KCNAB1: variants seen among roughly 807,000 people sequenced by gnomAD.
The protein encoded by KCNAB1 is potassium voltage-gated channel subfamily A regulatory beta subunit 1.
Under a neutral mutation model 64.6 loss-of-function variants are expected in KCNAB1, and 35 were observed. The ratio of observed to expected loss-of-function variants is 0.54; its 90% CI spans 0.41 to 0.72. The LOEUF (loss-of-function observed/expected upper bound fraction) is 0.72, where lower values mean the gene tolerates loss of function less well. Ranked by LOEUF, KCNAB1 falls within the 30% of genes least tolerant of loss-of-function variation. The probability of loss-of-function intolerance (pLI) is 0.00; values close to 1 mark genes in which losing one functional copy is unlikely to be tolerated. For missense variants in KCNAB1, 401 were observed against 512.9 expected (o/e 0.78, Z 2.11); for synonymous variants, 177 against 183.8 (o/e 0.96, Z 0.30).
intron 11 of KCNAB1, chr3:156,523,618 T>C (rs1718100647): frequency 1.9e-6 from 1 of 519,606 alleles, no homozygotes; most frequent in African/African-American, 1.9e-5. Context: ...TGGTGAATAT[T>C]AGTCAAAATC....
intron 1 of KCNAB1, among the ~76,000 whole-genome samples, chr3:156,399,242 TA>T (rs1713711974): frequency 6.6e-6 from 1 of 152,222 alleles, no homozygotes; most frequent in African/African-American, 2.4e-5. Flanking sequence ...TCAGTCGTGT[TA>T]GGTGTGCTGT....
intron 8 of KCNAB1, among the ~76,000 whole-genome samples, chr3:156,513,737 A>G (rs1717373976): frequency 1.3e-5 from 2 of 152,206 alleles, no homozygotes; most frequent in South Asian, 4.1e-4. Context: ...GAAATCAATT[A>G]TGTGGGTGTC....
intron 1 of KCNAB1, among the ~76,000 whole-genome samples, chr3:156,396,092 T>A (rs1206720451): frequency 6.6e-6 from 1 of 152,228 alleles, no homozygotes; most frequent in Admixed American, 6.5e-5. Context: ...TCTGGCTGTG[T>A]AAACCTTGTT....
chr3:156,143,566 CTTGTTTT>C (rs748333395), intron 1 of KCNAB1: 9 of 159,554 alleles, frequency 5.6e-5, no homozygotes, highest in East Asian at 7.2e-5. Context: ...GGGTTGCATT[CTTGTTTT>C]TTTTTTTTTT....
At chr3:156,337,515 C>T (rs1242130391) in intron 1 of KCNAB1, among the ~76,000 whole-genome samples, 1 of 152,184 alleles carries the variant, frequency 6.6e-6, no homozygotes, top group East Asian at 1.9e-4. Flanking sequence ...CTAGAGGCAC[C>T]AAGTGGGCAC....
chr3:156,293,297 A>G (rs1272544237), intron 1 of KCNAB1, among the ~76,000 whole-genome samples: 1 of 152,220 alleles, frequency 6.6e-6, no homozygotes, highest in Non-Finnish European at 1.5e-5. Flanking sequence ...ACATCTTCCA[A>G]AAAACTTTGG....
chr3:156,392,751 AT>A (rs1417252007), intron 1 of KCNAB1, among the ~76,000 whole-genome samples: 3 of 152,280 alleles, frequency 2.0e-5, no homozygotes, highest in East Asian at 1.9e-4. Context: ...ATCAAAGGAC[AT>A]TTTTTCCCCT....
intron 1 of KCNAB1, among the ~76,000 whole-genome samples, chr3:156,328,852 T>C (rs547624627): frequency 1.3e-5 from 2 of 152,336 alleles, no homozygotes; most frequent in South Asian, 4.1e-4. Flanking sequence ...GCCACTTGGC[T>C]CCACAGTCTA....
chr3:156,400,684 T>G (rs1713826116), intron 1 of KCNAB1, among the ~76,000 whole-genome samples: 1 of 152,232 alleles, frequency 6.6e-6, no homozygotes, highest in Non-Finnish European at 1.5e-5. Flanking sequence ...CTGCAATGTA[T>G]ATACAATGCA....
In KCNAB1 at chr3:156,415,176, G is replaced by A. The variant is rs1357007303; in HGVS notation, c.276-6440G>A. Among the ~76,000 whole-genome samples, 3 of 152,266 alleles carry A rather than the reference G, an allele frequency of 2.0e-5. No homozygotes were observed. In the East Asian group the frequency reaches 5.8e-4, roughly 29 times the overall value. On this transcript the variant is annotated intron_variant, in intron 1 of 13. Coordinates refer to ENST00000490337, the MANE Select transcript of KCNAB1 (RefSeq NM_172160.3). ...GAAGTGGGTCTTGAAAGTCACAGAG[G>A]CAGCCTTCTACCAGATTTTGTACCC...
chr3:156,483,010 AAG>A (rs1714941067), intron 8 of KCNAB1, among the ~76,000 whole-genome samples: 1 of 152,140 alleles, frequency 6.6e-6, no homozygotes, highest in Non-Finnish European at 1.5e-5. Flanking sequence ...TATGAGAAGA[AAG>A]AGGGGAAGAG....
At position 156,425,346 on chromosome 3, in the gene KCNAB1, G is replaced by C. The variant is rs74889963; in HGVS notation, c.319+3687G>C. The stretch of plus-strand genomic sequence containing the variant: ...GACAATTTTCCTTTTGGTGAACTAA[G>C]AGCAAATGTGTAAATGGGAGTAGAA... On this transcript the variant is annotated intron_variant, in intron 2 of 13. Transcript: ENST00000490337. 3.4e-4 allele frequency among the ~76,000 whole-genome samples: 52 copies of C among 152,322 alleles called. No homozygotes were observed. The East Asian group carries it at 8.7e-3, about 25-fold the overall frequency.
chr3:156,245,321 T>C (rs542367122), intron 1 of KCNAB1, among the ~76,000 whole-genome samples: 10 of 152,328 alleles, frequency 6.6e-5, no homozygotes, highest in Admixed American at 5.9e-4. Context: ...TATTTTGAGA[T>C]AATTCTAGAT....
At chr3:156,173,422 TATAAATG>T (rs1712139318) in intron 1 of KCNAB1, among the ~76,000 whole-genome samples, 2 of 152,202 alleles carry the variant, frequency 1.3e-5, no homozygotes, top group Non-Finnish European at 2.9e-5. Context: ...ACTACTTAGT[TATAAATG>T]TTAAACACAC....
At chr3:156,343,362 A>G (rs1724264705) in intron 1 of KCNAB1, among the ~76,000 whole-genome samples, 2 of 152,212 alleles carry the variant, frequency 1.3e-5, no homozygotes, top group African/African-American at 4.8e-5. Flanking sequence ...GCCTTAAAAC[A>G]GATTGGCTTC....
chr3:156,143,028 A>G, intron 1 of KCNAB1: 2 of 1,343,786 alleles, frequency 1.5e-6, no homozygotes, highest in Non-Finnish European at 1.9e-6. Context: ...CTGCTCGCCT[A>G]CAAAAATGAT....
chr3:156,463,901 A>G (rs756715219), intron 6 of KCNAB1, among the ~76,000 whole-genome samples, 155 bp downstream of exon 6: 1 of 152,050 alleles, frequency 6.6e-6, no homozygotes, highest in African/African-American at 2.4e-5. Context: ...AGGAAATAGC[A>G]ATTAGCCTAA....
intron 2 of KCNAB1, among the ~76,000 whole-genome samples, chr3:156,425,768 T>G (rs1291838285): frequency 1.3e-5 from 2 of 152,094 alleles, no homozygotes; most frequent in Non-Finnish European, 2.9e-5. Context: ...GAGTTAGGCT[T>G]GCAAAAAAAC....
intron 1 of KCNAB1, among the ~76,000 whole-genome samples, chr3:156,312,350 A>C (rs1721965130): frequency 6.6e-6 from 1 of 152,244 alleles, no homozygotes; most frequent in South Asian, 2.1e-4. Context: ...AAAGTGAACT[A>C]TTGAGAGTTC....
Sources: allele counts gnomAD v4.1 joint callset (sites outside exome capture counted in the v4.1 genomes callset), GRCh38; gene constraint gnomAD v4.1.1; transcripts MANE v1.5; gene names NCBI Gene and HGNC (gene_info 2026-07-23, HGNC 2026-07-21).